Variants in TSGA10 observed in about 807,000 individuals in gnomAD.
TSGA10 encodes the protein testis-specific gene 10 protein.
In TSGA10, 43 loss-of-function variants were observed where a neutral mutation model predicts 96.6. That is an observed-to-expected ratio of 0.44 (90% CI 0.35 to 0.57). TSGA10 has a LOEUF of 0.57. Ranked by LOEUF, TSGA10 falls within the 20% of genes least tolerant of loss-of-function variation. TSGA10 has a pLI of 0.01. For missense variants in TSGA10, 703 were observed against 834.4 expected, an observed-to-expected ratio of 0.84 and a Z score of 1.94; for synonymous variants, 229 against 269.9, an observed-to-expected ratio of 0.85 and a Z score of 1.48.
Position 98,997,922 on chromosome 2 carries a change from G to A in TSGA10, c.*275C>T. ...TTAATAAGCTTCTTTATTTACTCCA[G>A]ATAGTGAACAGAATAGTGTTCAATA... On this transcript the variant is annotated 3_prime_UTR_variant, in exon 21 of 21. Transcript: ENST00000393483. 1 of 330,536 alleles carries A rather than the reference G, an allele frequency of 3.0e-6. No homozygotes were observed. Among genetic ancestry groups the A allele is most frequent in the Non-Finnish European group, 5.5e-6 (1 of 183,248 alleles). The allele number at this position is 330,536 out of a possible 1,614,324, so 20.5% of individuals were successfully genotyped here.
intron 17 of TSGA10, among the ~76,000 whole-genome samples, chr2:99,026,929 A>C (rs909347691): frequency 6.6e-6 from 1 of 152,130 alleles, no homozygotes; most frequent in Non-Finnish European, 1.5e-5. Context: ...CGGGGTGGGG[A>C]TGGTTTTGGG....
chr2:99,143,290 C>A (rs1303391957), intron 1 of TSGA10, among the ~76,000 whole-genome samples: 1 of 150,870 alleles, frequency 6.6e-6, no homozygotes, highest in African/African-American at 2.4e-5. Context: ...TACAGGCGCC[C>A]ACTACTACGC....
chr2:99,141,480 GCA>G (rs1457706181), intron 1 of TSGA10: 1 of 159,784 alleles, frequency 6.3e-6, no homozygotes, highest in African/African-American at 2.4e-5. Context: ...GCGCTCCTAC[GCA>G]CGGAGCGACG....
intron 1 of TSGA10, among the ~76,000 whole-genome samples, chr2:99,127,591 G>C (rs1041370987): frequency 7.9e-5 from 12 of 151,968 alleles, no homozygotes; most frequent in African/African-American, 2.9e-4. Flanking sequence ...ATAATCCCTA[G>C]AAATAAAAAA....
chr2:99,018,494 C>T, intron 19 of TSGA10, 42 bp downstream of exon 19: 1 of 1,586,144 alleles, frequency 6.3e-7, no homozygotes, highest in Middle Eastern at 1.7e-4. Flanking sequence ...GCTTTCCATG[C>T]TGAAAAGCAT....
At chr2:99,114,736 T>C (rs1162453653) in intron 4 of TSGA10, among the ~76,000 whole-genome samples, 1 of 152,102 alleles carries the variant, frequency 6.6e-6, no homozygotes, top group Non-Finnish European at 1.5e-5. Flanking sequence ...AAGCAGAGAA[T>C]TTACCCTGAC....
intron 1 of TSGA10, 144 bp from the exon 2 acceptor site, chr2:99,127,320 T>G (rs1164151057): frequency 4.5e-6 from 3 of 659,670 alleles, no homozygotes; most frequent in East Asian, 1.7e-4. Context: ...TTCATCAAAC[T>G]TTACCTTCTT....
intron 10 of TSGA10, among the ~76,000 whole-genome samples, chr2:99,098,424 G>C (rs1402244792): frequency 7.9e-6 from 1 of 126,136 alleles, no homozygotes; most frequent in African/African-American, 3.2e-5. Context: ...GGGTGACAGA[G>C]AGAGACTCTG....
chr2:99,031,672 A>G (rs1036057894), intron 17 of TSGA10, among the ~76,000 whole-genome samples: 1 of 152,202 alleles, frequency 6.6e-6, no homozygotes, highest in African/African-American at 2.4e-5. Context: ...TCTGTTAGGA[A>G]CCAGGCCACA....
chr2:99,144,164 G>A (rs906298393), intron 1 of TSGA10, among the ~76,000 whole-genome samples: 4 of 152,118 alleles, frequency 2.6e-5, no homozygotes, highest in African/African-American at 9.7e-5. Context: ...GGGACTACAG[G>A]CGCCCACCAC....
At chr2:99,012,724 A>G (rs969092437) in intron 20 of TSGA10, among the ~76,000 whole-genome samples, 3 of 152,228 alleles carry the variant, frequency 2.0e-5, no homozygotes, top group Non-Finnish European at 2.9e-5. Context: ...CAGCAACACA[A>G]TAATAGTGGG....
chr2:99,028,829 GCT>G (rs2080884299), intron 17 of TSGA10, among the ~76,000 whole-genome samples: 1 of 151,974 alleles, frequency 6.6e-6, no homozygotes, highest in African/African-American at 2.4e-5. Context: ...TGAAGCAGTG[GCT>G]TTTTGAAAGC....
intron 16 of TSGA10, among the ~76,000 whole-genome samples, chr2:99,062,919 C>T (rs142120915): frequency 1.3e-5 from 2 of 152,246 alleles, no homozygotes; most frequent in African/African-American, 4.8e-5. Flanking sequence ...AAATCTGATA[C>T]ATTTATTCTA....
At chr2:99,030,900 T>C (rs1043785812) in intron 17 of TSGA10, among the ~76,000 whole-genome samples, 37 of 152,222 alleles carry the variant, frequency 2.4e-4, no homozygotes, top group African/African-American at 8.7e-4. Context: ...GGCCTTAGCA[T>C]AGTAAAGATG....
At chr2:99,081,161 T>C in intron 11 of TSGA10, 121 bp downstream of exon 11, 1 of 459,210 alleles carries the variant, frequency 2.2e-6, no homozygotes, top group South Asian at 6.5e-5. Context: ...TATTTTTTAT[T>C]CATAAACTTA....
At chr2:99,115,349 G>A (rs2092168433) in intron 4 of TSGA10, among the ~76,000 whole-genome samples, 1 of 151,838 alleles carries the variant, frequency 6.6e-6, no homozygotes, top group Non-Finnish European at 1.5e-5. Context: ...AAAAAATTAA[G>A]TTAAAAAAAA....
At position 98,997,848 on chromosome 2, in the gene TSGA10, T is replaced by C. The variant is rs1283910688; in HGVS notation, c.*349A>G. 7 of 186,914 alleles carry C rather than the reference T, an allele frequency of 3.7e-5. No homozygotes were observed. The highest frequency in any genetic ancestry group is 6.6e-5 in the Non-Finnish European group (6 of 91,522). The allele number at this position is 186,914 out of a possible 1,614,324, so 11.6% of individuals were successfully genotyped here. A position where few individuals can be genotyped will look rare whatever the true frequency, so the allele number is the denominator to read the frequency against. On this transcript the variant is annotated 3_prime_UTR_variant, in exon 21 of 21. Coordinates refer to ENST00000393483, the MANE Select transcript of TSGA10 (RefSeq NM_025244.4). The stretch of plus-strand genomic sequence containing the variant: ...AAATTAACCAACCAATTATTTGAGA[T>C]ACCAAGAAAGGAAAGGAAAGCAGTT...
chr2:99,098,868 TAAAG>T (rs931400519), intron 10 of TSGA10, among the ~76,000 whole-genome samples: 36 of 152,198 alleles, frequency 2.4e-4, no homozygotes, highest in Non-Finnish European at 4.9e-4. Flanking sequence ...AACCTTCCCT[TAAAG>T]AAGAGATCCA....
intron 18 of TSGA10, among the ~76,000 whole-genome samples, chr2:99,019,976 T>G (rs963056131): frequency 2.6e-5 from 4 of 152,286 alleles, no homozygotes; most frequent in Admixed American, 2.6e-4. Context: ...ATATGAAAAT[T>G]CTTCTGGTTT....
Sources: allele counts gnomAD v4.1 joint callset (sites outside exome capture counted in the v4.1 genomes callset), GRCh38; gene constraint gnomAD v4.1.1; transcripts MANE v1.5; gene names NCBI Gene and HGNC (gene_info 2026-07-23, HGNC 2026-07-21).